The following AGAP1 variants were observed in gnomAD, a reference collection of about 807,000 sequenced individuals.
AGAP1 encodes ArfGAP with GTPase domain, ankyrin repeat and PH domain 1, also known as arf-GAP with GTPase, ANK repeat and PH domain-containing protein 1.
Under a neutral mutation model 105.3 loss-of-function variants are expected in AGAP1, and 29 were observed. The observed-to-expected ratio is 0.28, with a 90% CI of 0.21 to 0.38. The LOEUF (loss-of-function observed/expected upper bound fraction) is 0.38, where lower values mean the gene tolerates loss of function less well. Ranked by LOEUF, AGAP1 falls within the 10% of genes least tolerant of loss-of-function variation. AGAP1 has a pLI of 1.00. For synonymous variants in AGAP1, 509 were observed against 485.9 expected (o/e 1.05, Z -0.63); for missense variants, 998 against 1,165.1 (o/e 0.86, Z 2.09).
At chr2:235,798,697 G>T (rs982053567) in intron 7 of AGAP1, among the ~76,000 whole-genome samples, 7 of 151,870 alleles carry the variant, frequency 4.6e-5, no homozygotes, top group African/African-American at 1.7e-4. Context: ...GGGCAACGTG[G>T]CAGAACCACA....
intron 1 of AGAP1, among the ~76,000 whole-genome samples, chr2:235,678,111 G>T (rs1948856256): frequency 2.0e-5 from 3 of 152,006 alleles, no homozygotes; most frequent in Admixed American, 2.0e-4. Flanking sequence ...GCTGGCTTTT[G>T]CTCCTCTGGT....
Position 235,992,668 on chromosome 2 carries a change from T to C in AGAP1, c.1645+24045T>C, listed in dbSNP as rs529665288. 1.3e-5 allele frequency among the ~76,000 whole-genome samples: 2 copies of C among 152,328 alleles called. No individual in the cohort carries two copies. The highest frequency in any genetic ancestry group is 3.4e-3 in the Middle Eastern group (1 of 294). Reference sequence around the variant, plus strand: ...TCATCAGAGTATGCATTAAGTAGCATTGAACCACATTTTTAAGGTGACTCT... The same window carrying C: ...TCATCAGAGTATGCATTAAGTAGCACTGAACCACATTTTTAAGGTGACTCT... On this transcript the variant is annotated intron_variant, in intron 13 of 17. Transcript: ENST00000304032. The surrounding 1 kb of genome is among the most constrained non-coding windows in gnomAD (Gnocchi z 4.8).
In AGAP1 at chr2:235,888,041, G is replaced by A. The variant is rs1429507231; in HGVS notation, c.1155+4592G>A. On this transcript the variant is annotated intron_variant, in intron 10 of 17. Transcript: ENST00000304032. This position sits in a 1 kb window ranked among gnomAD's most constrained non-coding sequence, Gnocchi z 4.8. ...CACGTGTGTGCCGCTCACAGTCCAC[G>A]TAAGGCTGCGCCCTGGTGCCACCAC... 1.3e-5 allele frequency among the ~76,000 whole-genome samples: 2 copies of A among 152,162 alleles called. No homozygotes were observed. The highest frequency in any genetic ancestry group is 6.5e-5 in the Admixed American group (1 of 15,276).
chr2:235,846,570 A>G (rs1961521730), intron 9 of AGAP1, among the ~76,000 whole-genome samples: 2 of 151,452 alleles, frequency 1.3e-5, no homozygotes, highest in South Asian at 4.2e-4. Context: ...ACCTCAAGTG[A>G]TCATCCCACC....
chr2:235,657,108 G>A (rs1294576616), intron 1 of AGAP1, among the ~76,000 whole-genome samples: 2 of 152,330 alleles, frequency 1.3e-5, no homozygotes, highest in East Asian at 1.9e-4. Context: ...ATTGAGCCAT[G>A]AGGGACTCTC....
Position 236,104,488 on chromosome 2 carries a change from C to T in AGAP1, c.2115-15704C>T, listed in dbSNP as rs2059435884. ...GCCCCTCACAAAATCCTTGTCCCTT[C>T]TCAGATTCCTTGGGGGCACAGGGCT... is the stretch of plus-strand genomic sequence containing the variant. On this transcript the variant is annotated intron_variant, in intron 16 of 17. Coordinates refer to ENST00000304032, the MANE Select transcript of AGAP1 (RefSeq NM_001037131.3). The surrounding 1 kb of genome is among the most constrained non-coding windows in gnomAD (Gnocchi z 4.7). Among the ~76,000 whole-genome samples, 1 of 152,260 alleles carries T rather than the reference C, an allele frequency of 6.6e-6. No individual in the cohort carries two copies. The highest frequency in any genetic ancestry group is 1.5e-5 in the Non-Finnish European group (1 of 68,040).
chr2:235,836,105 C>T (rs1362912317), intron 9 of AGAP1, among the ~76,000 whole-genome samples: 3 of 152,178 alleles, frequency 2.0e-5, no homozygotes, highest in African/African-American at 7.2e-5. Flanking sequence ...GTATAACTGG[C>T]TCATGCATTT....
At chr2:235,755,380 G>C (rs1953839359) in intron 6 of AGAP1, among the ~76,000 whole-genome samples, 1 of 152,150 alleles carries the variant, frequency 6.6e-6, no homozygotes, top group African/African-American at 2.4e-5. Context: ...TGAACATGAA[G>C]GATTACAGAA....
intron 1 of AGAP1, among the ~76,000 whole-genome samples, chr2:235,499,209 A>C (rs1305081905): frequency 6.6e-6 from 1 of 152,156 alleles, no homozygotes; most frequent in East Asian, 1.9e-4. Flanking sequence ...TACTTCCCAT[A>C]GGCCGTGTGT....
rs752940419 is a variant in AGAP1, at chr2:235,750,518, C to T, written c.673+30C>T. On this transcript the variant is annotated intron_variant, in intron 6 of 17. Transcript: ENST00000304032. The surrounding 1 kb of genome is among the most constrained non-coding windows in gnomAD (Gnocchi z 5.3). ...ATGCGCGTGGCTGGGAGTTTAATTT[C>T]AGTTCATGATAGACGGGAGGCACTT... 2.5e-6 allele frequency: 4 copies of T among 1,613,702 alleles called. No homozygotes were observed. In the Admixed American group the frequency reaches 5.0e-5, roughly 20 times the overall value.
chr2:235,984,943 T>C (rs1488401370), intron 13 of AGAP1, among the ~76,000 whole-genome samples: 1 of 152,216 alleles, frequency 6.6e-6, no homozygotes, highest in African/African-American at 2.4e-5. Flanking sequence ...AGCAGAATGA[T>C]TTATATTCCT....
In AGAP1 at chr2:235,957,206, G is replaced by A. The variant is rs2053988380; in HGVS notation, c.1484-11256G>A. On this transcript the variant is annotated intron_variant, in intron 12 of 17. Coordinates refer to ENST00000304032, the MANE Select transcript of AGAP1 (RefSeq NM_001037131.3). The surrounding 1 kb of genome is among the most constrained non-coding windows in gnomAD (Gnocchi z 4.6). Reference sequence around the variant, plus strand: ...TGTAAGGCTTTATAAACATATTTCAGTAATCAAGGTCCTCATCTCAATGGA... The same window carrying A: ...TGTAAGGCTTTATAAACATATTTCAATAATCAAGGTCCTCATCTCAATGGA... 6.6e-6 allele frequency among the ~76,000 whole-genome samples: 1 copy of A among 152,144 alleles called. No individual in the cohort carries two copies. The highest frequency in any genetic ancestry group is 1.5e-5 in the Non-Finnish European group (1 of 68,020).
chr2:235,993,102 A>G lies in AGAP1; in HGVS notation c.1645+24479A>G, dbSNP rs971483615. On this transcript the variant is annotated intron_variant, in intron 13 of 17. Coordinates refer to ENST00000304032, the MANE Select transcript of AGAP1 (RefSeq NM_001037131.3). This position sits in a 1 kb window ranked among gnomAD's most constrained non-coding sequence, Gnocchi z 5.0. ...CTTTAGCAGAGATTCTAGCTAATAC[A>G]TGGAGTTGTGCTTCCTAAGTATTGA... 2.0e-5 allele frequency among the ~76,000 whole-genome samples: 3 copies of G among 152,210 alleles called. No individual in the cohort carries two copies. The highest frequency in any genetic ancestry group is 4.4e-5 in the Non-Finnish European group (3 of 68,030).
At chr2:235,562,038 T>A (rs1244596719) in intron 1 of AGAP1, among the ~76,000 whole-genome samples, 1 of 152,210 alleles carries the variant, frequency 6.6e-6, no homozygotes, top group African/African-American at 2.4e-5. Context: ...TAACAAATGA[T>A]GGCAAAATAT....
rs369575132 is a variant in AGAP1 at position 235,825,605 on chromosome 2, A to G, written c.1050+18274A>G. Among the ~76,000 whole-genome samples the G allele has an allele frequency of 3.9e-4, 60 of 152,372 alleles. 1 individual carries two copies. The highest frequency in any genetic ancestry group is 1.3e-3 in the African/African-American group (54 of 41,590). ...TATTTTATTTTCAGTTAGGTGAAGC[A>G]GAAAAATGTATCCAGCAAAGTCTTC... On this transcript the variant is annotated intron_variant, in intron 9 of 17. Coordinates refer to ENST00000304032, the MANE Select transcript of AGAP1 (RefSeq NM_001037131.3).
intron 1 of AGAP1, among the ~76,000 whole-genome samples, chr2:235,678,841 C>T (rs188455597): frequency 5.3e-5 from 8 of 152,000 alleles, no homozygotes; most frequent in Admixed American, 3.9e-4. Context: ...GTCCCTGCTT[C>T]CCACTCCCGC....
At chr2:235,920,069 A>T (rs2052103724) in intron 11 of AGAP1, among the ~76,000 whole-genome samples, 1 of 152,202 alleles carries the variant, frequency 6.6e-6, no homozygotes, top group South Asian at 2.1e-4. Flanking sequence ...GAACCGTCTA[A>T]TTCTAGGATG....
At chr2:235,995,015 C>A (rs1246030648) in intron 13 of AGAP1, among the ~76,000 whole-genome samples, 1 of 73,624 alleles carries the variant, frequency 1.4e-5, no homozygotes, top group South Asian at 6.6e-4. Flanking sequence ...TGCAGTGAGC[C>A]GAGATCGCGC....
In AGAP1 at chr2:235,754,439, A is replaced by T. The variant is rs1424711716; in HGVS notation, c.673+3951A>T. ...TTGGCTTGTAAATAAAAAAAAAAAA[A>T]AAATCCAGCTGCTTCCATTGCCCTG... On this transcript the variant is annotated intron_variant, in intron 6 of 17. Coordinates refer to ENST00000304032, the MANE Select transcript of AGAP1 (RefSeq NM_001037131.3). The surrounding 1 kb of genome is among the most constrained non-coding windows in gnomAD (Gnocchi z 4.6). 1.3e-5 allele frequency among the ~76,000 whole-genome samples: 2 copies of T among 151,392 alleles called. No individual in the cohort carries two copies. The highest frequency in any genetic ancestry group is 1.3e-4 in the Admixed American group (2 of 15,254).
Sources: gnomAD v4.1 joint callset for allele counts (sites outside exome capture counted in the v4.1 genomes callset) on GRCh38, gnomAD v4.1.1 for gene constraint, Gnocchi (gnomAD v3.1) non-coding constraint, MANE v1.5 for transcripts, NCBI Gene and HGNC (gene_info 2026-07-23, HGNC 2026-07-21) for gene names.